The following NLK variants were observed in gnomAD, a reference collection of about 807,000 sequenced individuals.
NLK encodes the protein nemo like kinase.
In NLK, 11 loss-of-function variants were observed where a neutral mutation model predicts 59.0. The observed-to-expected ratio is 0.19, with a 90% confidence interval of 0.12 to 0.31. The LOEUF is 0.31. Ranked by LOEUF, NLK falls within the 10% of genes least tolerant of loss-of-function variation. The pLI is 1.00. For synonymous variants in NLK, 235 were observed against 235.9 expected, an observed-to-expected ratio of 1.00 and a Z score of 0.03; for missense variants, 410 against 661.1, an observed-to-expected ratio of 0.62 and a Z score of 4.16.
At chr17:28,093,425 C>G (rs912473709) in intron 1 of NLK, among the ~76,000 whole-genome samples, 6 of 152,162 alleles carry the variant, frequency 3.9e-5, no homozygotes, top group Non-Finnish European at 8.8e-5. Flanking sequence ...GGTATCTTAA[C>G]TACATATTCC....
chr17:28,070,801 C>G (rs534508764), intron 1 of NLK, among the ~76,000 whole-genome samples: 1 of 152,038 alleles, frequency 6.6e-6, no homozygotes, highest in South Asian at 2.1e-4. Flanking sequence ...CTAATTTTAC[C>G]TATTCTCACA....
chr17:28,187,283 T>C (rs1295116299), intron 8 of NLK, among the ~76,000 whole-genome samples: 1 of 152,006 alleles, frequency 6.6e-6, no homozygotes, highest in East Asian at 1.9e-4. Flanking sequence ...TGAGATCCCA[T>C]GTTTTGTTTG....
chr17:28,173,984 T>C (rs1255726823), intron 7 of NLK, among the ~76,000 whole-genome samples: 2 of 152,182 alleles, frequency 1.3e-5, no homozygotes, highest in Admixed American at 1.3e-4. Context: ...TGGTTGCTAG[T>C]TAATTAATCA....
At chr17:28,166,150 C>T (rs965412368) in intron 5 of NLK, among the ~76,000 whole-genome samples, 2 of 152,146 alleles carry the variant, frequency 1.3e-5, no homozygotes, top group Admixed American at 1.3e-4. Flanking sequence ...GAGAGGCAGA[C>T]GTTGCAGTGA....
chr17:28,100,472 G>A (rs1904866687), intron 1 of NLK, among the ~76,000 whole-genome samples: 1 of 152,172 alleles, frequency 6.6e-6, no homozygotes. Context: ...CTGTGTAGTA[G>A]AATCTTACTG....
At chr17:28,083,306 C>T (rs1910408253) in intron 1 of NLK, among the ~76,000 whole-genome samples, 1 of 152,106 alleles carries the variant, frequency 6.6e-6, no homozygotes, top group African/African-American at 2.4e-5. Context: ...ATGTATCATC[C>T]TTCTTTGAAA....
chr17:28,180,978 G>C (rs1471981403), intron 7 of NLK, among the ~76,000 whole-genome samples: 2 of 152,166 alleles, frequency 1.3e-5, no homozygotes, highest in Admixed American at 1.3e-4. Flanking sequence ...CTTAGGCTGG[G>C]CATGGTGGCT....
At position 28,163,709 on chromosome 17, in the gene NLK, AAAG is replaced by A. The variant is rs1166927561; in HGVS notation, c.837+85_837+87del. The A allele has an allele frequency of 1.3e-5, 11 of 830,106 alleles. No individual in the cohort carries two copies. In the South Asian group the frequency reaches 1.6e-4, roughly 12 times the overall value. The allele number at this position is 830,106 out of a possible 1,614,324, so 51.4% of individuals were successfully genotyped here. A position where few individuals can be genotyped will look rare whatever the true frequency, so the allele number is the denominator to read the frequency against. On this transcript the variant is annotated intron_variant, in intron 5 of 10. Coordinates refer to ENST00000407008, the MANE Select transcript of NLK (RefSeq NM_016231.5). ...TAAGAACAACATATTTTTGTGAAAG[AAAG>A]AAGTTCATTTCCATTACTTTACCAA... is the stretch of plus-strand genomic sequence containing the variant.
chr17:28,141,982 TC>T (rs1409760600), intron 3 of NLK, among the ~76,000 whole-genome samples: 6 of 152,228 alleles, frequency 3.9e-5, no homozygotes, highest in African/African-American at 1.4e-4. Flanking sequence ...GGAAGATTAA[TC>T]ACCAGTCTCT....
At chr17:28,076,452 A>G (rs1326500036) in intron 1 of NLK, among the ~76,000 whole-genome samples, 2 of 152,148 alleles carry the variant, frequency 1.3e-5, no homozygotes, top group Non-Finnish European at 2.9e-5. Flanking sequence ...CCTTCATGAT[A>G]TAATCACCTC....
rs576718751 is a variant in NLK, at chr17:28,051,670, T to A, written c.458+8339T>A. 1.2e-3 allele frequency among the ~76,000 whole-genome samples: 177 copies of A among 151,544 alleles called. 1 individual carries two copies. Among genetic ancestry groups the A allele is most frequent in the South Asian group, 9.4e-3 (45 of 4,802 alleles). The stretch of plus-strand genomic sequence containing the variant: ...CTGCGCCCGGCTTTTTTTTTTTTTT[T>A]AAACAATGGGGTAATAGATTACTAA... On this transcript the variant is annotated intron_variant, in intron 1 of 10. Coordinates refer to ENST00000407008, the MANE Select transcript of NLK (RefSeq NM_016231.5).
At chr17:28,110,625 T>C (rs1447731207) in intron 1 of NLK, among the ~76,000 whole-genome samples, 1 of 152,084 alleles carries the variant, frequency 6.6e-6, no homozygotes. Flanking sequence ...TCCCATTGCA[T>C]GCATGTTGGT....
intron 3 of NLK, among the ~76,000 whole-genome samples, chr17:28,134,898 G>T (rs1453665047): frequency 6.6e-6 from 1 of 152,164 alleles, no homozygotes; most frequent in Non-Finnish European, 1.5e-5. Flanking sequence ...CTCAACTGTA[G>T]GTCAGTAGTA....
rs866215875 is a variant in NLK, at chr17:28,069,927, T to G, written c.458+26596T>G. ...TTTTCTTTTATTATTAGTACATTTT[T>G]TGGTTCAGTATAAGAAATCTTTGTC... On this transcript the variant is annotated intron_variant, in intron 1 of 10. Transcript: ENST00000407008. Among the ~76,000 whole-genome samples, 9 of 152,268 alleles carry G rather than the reference T, an allele frequency of 5.9e-5. No individual in the cohort carries two copies. In the South Asian group the frequency reaches 1.9e-3, roughly 32 times the overall value.
chr17:28,173,704 T>C (rs992362415), intron 7 of NLK, among the ~76,000 whole-genome samples: 2 of 152,210 alleles, frequency 1.3e-5, no homozygotes, highest in Non-Finnish European at 2.9e-5. Context: ...GCACAGTAAG[T>C]CTTAACCTAG....
intron 3 of NLK, among the ~76,000 whole-genome samples, chr17:28,149,338 A>G (rs1198504972): frequency 6.6e-6 from 1 of 152,178 alleles, no homozygotes; most frequent in African/African-American, 2.4e-5. Context: ...TGCCGGGTTT[A>G]TAGGTGTGAG....
At chr17:28,149,727 G>C (rs1306967889) in intron 3 of NLK, among the ~76,000 whole-genome samples, 1 of 152,170 alleles carries the variant, frequency 6.6e-6, no homozygotes, top group Non-Finnish European at 1.5e-5. Flanking sequence ...GTGAATTGCA[G>C]TTGCTTGTTT....
chr17:28,051,444 C>T (rs2142735324), intron 1 of NLK, among the ~76,000 whole-genome samples: 1 of 151,856 alleles, frequency 6.6e-6, no homozygotes, highest in East Asian at 1.9e-4. Flanking sequence ...ATGCAGCCTC[C>T]ACCTCCCAGG....
intron 8 of NLK, among the ~76,000 whole-genome samples, chr17:28,187,627 C>T (rs192055222): frequency 1.3e-5 from 2 of 152,088 alleles, no homozygotes; most frequent in African/African-American, 4.8e-5. Context: ...TTAATGCTCC[C>T]GATCTGCCAG....
Sources: gnomAD v4.1 joint callset for allele counts (sites outside exome capture counted in the v4.1 genomes callset) on GRCh38, gnomAD v4.1.1 for gene constraint, MANE v1.5 for transcripts, NCBI Gene and HGNC (gene_info 2026-07-23, HGNC 2026-07-21) for gene names.